GSE1: variants seen among roughly 807,000 people sequenced by gnomAD.
GSE1 encodes genetic suppressor element 1.
In GSE1, 32 loss-of-function variants were observed where a neutral mutation model predicts 112.6. That is an observed-to-expected ratio of 0.28 (90% CI 0.21 to 0.38). The LOEUF is 0.38. GSE1 is among the 10% of genes least tolerant of loss of function. The pLI is 1.00. For synonymous variants in GSE1, 1,115 were observed against 735.6 expected (o/e 1.52, Z -8.35); for missense variants, 2,348 against 1,699.2 (o/e 1.38, Z -6.71).
At chr16:85,221,368 A>C (rs1209419296) in intron 1 of GSE1, among the ~76,000 whole-genome samples, 1 of 151,990 alleles carries the variant, frequency 6.6e-6, no homozygotes, top group African/African-American at 2.4e-5. Context: ...CACCATGTAC[A>C]TATACTACAC....
At chr16:85,640,175 CTG>C (rs960729717) in intron 2 of GSE1, among the ~76,000 whole-genome samples, 3 of 152,138 alleles carry the variant, frequency 2.0e-5, no homozygotes, top group Non-Finnish European at 4.4e-5. Flanking sequence ...GCACAAGAGT[CTG>C]AGCCCGTTCC....
chr16:85,357,702 AG>A, intron 2 of GSE1: 1 of 1,137,128 alleles, frequency 8.8e-7, no homozygotes, highest in Non-Finnish European at 1.2e-6. Context: ...TTGTCCCAGC[AG>A]GGATGGGGGC....
At chr16:85,488,977 G>C (rs1385416395) in intron 2 of GSE1, among the ~76,000 whole-genome samples, 1 of 151,992 alleles carries the variant, frequency 6.6e-6, no homozygotes, top group African/African-American at 2.4e-5. Flanking sequence ...TGTTTGCAGT[G>C]ATTCTTTCCC....
At chr16:85,369,751 C>T (rs1158743488) in intron 2 of GSE1, among the ~76,000 whole-genome samples, 1 of 152,250 alleles carries the variant, frequency 6.6e-6, no homozygotes, top group East Asian at 1.9e-4. Flanking sequence ...CACACTCTCC[C>T]TGGCTGGGCT....
At chr16:85,574,727 G>T (rs573954912) in intron 1 of GSE1, among the ~76,000 whole-genome samples, 1 of 152,214 alleles carries the variant, frequency 6.6e-6, no homozygotes, top group African/African-American at 2.4e-5. Flanking sequence ...TGTCCTGTCC[G>T]CTGGTGGCTC....
chr16:85,641,233 TCC>T (rs1409756749), intron 2 of GSE1, among the ~76,000 whole-genome samples: 4 of 152,312 alleles, frequency 2.6e-5, no homozygotes, highest in African/African-American at 9.6e-5. Context: ...GCTCCTTTGG[TCC>T]CACGCGGACT....
In GSE1 at chr16:85,468,682, C is replaced by T. The variant is rs115663962; in HGVS notation, c.2464+111039C>T. Among the ~76,000 whole-genome samples the T allele has an allele frequency of 4.4e-3, 665 of 152,234 alleles. 5 individuals carry two copies. Among genetic ancestry groups the T allele is most frequent in the African/African-American group, 0.015 (617 of 41,530 alleles). The stretch of plus-strand genomic sequence containing the variant: ...ATGTCATCTTGGAGAGCTTTGAGAA[C>T]AGGAGGGCCATGTCTCTCCCCTCCC... On this transcript the variant is annotated intron_variant, in intron 2 of 2. Coordinates refer to the GSE1 transcript ENST00000637419.
intron 1 of GSE1, among the ~76,000 whole-genome samples, chr16:85,247,393 G>C (rs998290913): frequency 1.3e-5 from 2 of 152,220 alleles, no homozygotes; most frequent in Non-Finnish European, 2.9e-5. Flanking sequence ...GCTCAGTGGG[G>C]TCCCTGAGCA....
exon 2 of GSE1, chr16:85,357,610 C>T (rs1360051336): frequency 1.9e-5 from 24 of 1,288,896 alleles, no homozygotes; most frequent in Non-Finnish European, 1.9e-5. Context: ...GCAGAGCAGC[C>T]GGGAGGAGGA....
chr16:85,340,556 G>A (rs942067770), intron 1 of GSE1, among the ~76,000 whole-genome samples: 7 of 152,130 alleles, frequency 4.6e-5, no homozygotes, highest in South Asian at 2.1e-4. Context: ...CAGGAGAATC[G>A]CTTGAACCCG....
chr16:85,478,105 G>A (rs1472663901), intron 2 of GSE1, among the ~76,000 whole-genome samples: 1 of 152,124 alleles, frequency 6.6e-6, no homozygotes, highest in Admixed American at 6.5e-5. Flanking sequence ...GGTCATTTCA[G>A]AGAAATGGAC....
chr16:85,481,265 T>G (rs1346438292), intron 2 of GSE1, among the ~76,000 whole-genome samples: 1 of 152,248 alleles, frequency 6.6e-6, no homozygotes, highest in Non-Finnish European at 1.5e-5. Context: ...ACACCTCCTT[T>G]TTTTGAAAAA....
In GSE1 at chr16:85,408,078, A is replaced by G. The variant is rs1597643823; in HGVS notation, c.2464+50435A>G. 4.3e-5 allele frequency among the ~76,000 whole-genome samples: 2 copies of G among 46,300 alleles called. 1 individual carries two copies. The highest frequency in any genetic ancestry group is 8.4e-5 in the Non-Finnish European group (2 of 23,730). 30.4% of individuals were successfully genotyped at this position (46,300 alleles called of 152,430 possible). ...CTCTCAGGGCACCTGGATAATCCTC[A>G]CTGTTACACTCAGGGCCCCCCTGGA... is the stretch of plus-strand genomic sequence containing the variant. On this transcript the variant is annotated intron_variant, in intron 2 of 2. Transcript: ENST00000637419.
chr16:85,564,922 A>G (rs2045674160), intron 1 of GSE1, among the ~76,000 whole-genome samples: 1 of 152,176 alleles, frequency 6.6e-6, no homozygotes, highest in Non-Finnish European at 1.5e-5. Flanking sequence ...AGCTTCTGGC[A>G]GGAAGCAGAG....
intron 13 of GSE1, among the ~76,000 whole-genome samples, 185 bp from the exon 14 acceptor site, chr16:85,667,955 C>T (rs140194864): frequency 6.8e-5 from 5 of 74,010 alleles, no homozygotes; most frequent in East Asian, 9.8e-4. Flanking sequence ...CTGGCTGTCT[C>T]GGACTTTCTC....
intron 1 of GSE1, among the ~76,000 whole-genome samples, chr16:85,224,047 C>G (rs1567620780): frequency 6.6e-6 from 1 of 152,016 alleles, no homozygotes; most frequent in Non-Finnish European, 1.5e-5. Flanking sequence ...GCACCATTTT[C>G]AAGACATTCT....
intron 2 of GSE1, among the ~76,000 whole-genome samples, chr16:85,361,735 C>A (rs1463106792): frequency 2.0e-5 from 3 of 152,200 alleles, no homozygotes; most frequent in Non-Finnish European, 4.4e-5. Flanking sequence ...CGACCTGGGC[C>A]CTGGGCAGAG....
chr16:85,472,565 C>T (rs552326986), intron 2 of GSE1, among the ~76,000 whole-genome samples: 1 of 152,318 alleles, frequency 6.6e-6, no homozygotes, highest in South Asian at 2.1e-4. Context: ...ACAAATAAGG[C>T]CATATTACGG....
At chr16:85,184,609 C>CT (rs1162689702) in intron 1 of GSE1, among the ~76,000 whole-genome samples, 3 of 152,342 alleles carry the variant, frequency 2.0e-5, no homozygotes, top group East Asian at 3.9e-4. Context: ...GCATGTTCCT[C>CT]TAAGCACTGC....
Sources: allele counts gnomAD v4.1 joint callset (sites outside exome capture counted in the v4.1 genomes callset), GRCh38; gene constraint gnomAD v4.1.1; transcripts MANE v1.5; gene names NCBI Gene and HGNC (gene_info 2026-07-23, HGNC 2026-07-21).